The following KHDRBS2 variants were observed in gnomAD, a reference collection of about 807,000 sequenced individuals.
KHDRBS2 encodes the protein KH RNA binding domain containing, signal transduction associated 2, also known as KH domain-containing, RNA-binding, signal transduction-associated protein 2.
KHDRBS2 carries 26 observed loss-of-function variants against 44.3 expected under a neutral mutation model. The observed-to-expected ratio is 0.59, with a 90% CI of 0.43 to 0.81. The LOEUF is 0.81. Ranked by LOEUF, KHDRBS2 falls within the 40% of genes least tolerant of loss-of-function variation. KHDRBS2 has a pLI of 0.00. For synonymous variants in KHDRBS2, 194 were observed against 151.1 expected (o/e 1.28, Z -2.08); for missense variants, 476 against 433.1 (o/e 1.10, Z -0.88).
At chr6:61,998,752 C>T (rs1283906889) in intron 3 of KHDRBS2, among the ~76,000 whole-genome samples, 5 of 152,006 alleles carry the variant, frequency 3.3e-5, no homozygotes, top group Non-Finnish European at 5.9e-5. Flanking sequence ...GAAATAAAAA[C>T]TTTGATCCAT....
Position 62,006,436 on chromosome 6 carries a change from T to C in KHDRBS2, c.337-28224A>G, listed in dbSNP as rs1164590864. ...AAAAAGTATTTCAAGAAGGAATAAA[T>C]CAAATAAAAATGAAGGTCAGAGCTG... is the stretch of plus-strand genomic sequence containing the variant. On this transcript the variant is annotated intron_variant, in intron 3 of 8. Transcript: ENST00000281156. Among the ~76,000 whole-genome samples the C allele has an allele frequency of 2.0e-5, 3 of 151,812 alleles. No homozygotes were observed. In the East Asian group the frequency reaches 5.8e-4, roughly 29 times the overall value.
intron 2 of KHDRBS2, among the ~76,000 whole-genome samples, chr6:62,115,263 A>G (rs894416317): frequency 6.6e-6 from 1 of 152,172 alleles, no homozygotes; most frequent in Admixed American, 6.6e-5. Flanking sequence ...GAGGCCATAC[A>G]TAAGAGCCAA....
chr6:62,107,134 G>T (rs1803599869), intron 2 of KHDRBS2, among the ~76,000 whole-genome samples: 1 of 151,750 alleles, frequency 6.6e-6, no homozygotes, highest in Non-Finnish European at 1.5e-5. Flanking sequence ...ATTCAATTAG[G>T]AAAAGAGGAA....
At chr6:62,279,353 TGTAA>T (rs1841473265) in intron 1 of KHDRBS2, among the ~76,000 whole-genome samples, 1 of 152,228 alleles carries the variant, frequency 6.6e-6, no homozygotes. Context: ...GTATTATCAT[TGTAA>T]GTGACAGAAT....
intron 2 of KHDRBS2, among the ~76,000 whole-genome samples, chr6:62,166,458 C>T (rs932866139): frequency 3.3e-5 from 5 of 151,930 alleles, no homozygotes; most frequent in Non-Finnish European, 7.4e-5. Context: ...TTTATGTTCA[C>T]AATGGTTTAT....
chr6:61,818,993 C>A (rs1049270703), intron 6 of KHDRBS2, among the ~76,000 whole-genome samples: 5 of 151,944 alleles, frequency 3.3e-5, no homozygotes, highest in African/African-American at 9.6e-5. Context: ...ATCTATAATA[C>A]CCTCAGTAGT....
At chr6:61,895,126 A>G (rs897471856) in intron 5 of KHDRBS2, among the ~76,000 whole-genome samples, 2 of 151,634 alleles carry the variant, frequency 1.3e-5, no homozygotes, top group African/African-American at 4.8e-5. Context: ...AAGCCAGAAA[A>G]AAAAAAAAAA....
intron 1 of KHDRBS2, among the ~76,000 whole-genome samples, chr6:62,240,715 T>C (rs867188788): frequency 1.6e-5 from 2 of 126,336 alleles, no homozygotes; most frequent in Admixed American, 8.7e-5. Flanking sequence ...TATATATATA[T>C]ATAAACATGA....
At chr6:61,943,819 C>T (rs552892746) in intron 4 of KHDRBS2, among the ~76,000 whole-genome samples, 3 of 151,944 alleles carry the variant, frequency 2.0e-5, no homozygotes, top group African/African-American at 7.3e-5. Flanking sequence ...AAGAACCACA[C>T]AAATAATCTT....
chr6:61,720,489 A>G (rs1772272839), intron 7 of KHDRBS2, among the ~76,000 whole-genome samples: 1 of 152,076 alleles, frequency 6.6e-6, no homozygotes, highest in South Asian at 2.1e-4. Flanking sequence ...GTGAGATGGT[A>G]CCTCATTGTG....
intron 6 of KHDRBS2, among the ~76,000 whole-genome samples, chr6:61,744,832 C>T (rs1776642584): frequency 6.6e-6 from 1 of 152,054 alleles, no homozygotes; most frequent in South Asian, 2.1e-4. Context: ...TGTCAATTGT[C>T]AAACATTGTG....
At chr6:61,661,161 C>T in the KHDRBS2 span, 1 of 151,890 alleles carries the variant, frequency 6.6e-6, no homozygotes, top group South Asian at 2.1e-4. Context: ...TAGCTTCCAT[C>T]TGATGCAAAC....
chr6:61,776,014 A>C (rs1354458483), intron 6 of KHDRBS2, among the ~76,000 whole-genome samples: 1 of 152,212 alleles, frequency 6.6e-6, no homozygotes, highest in Non-Finnish European at 1.5e-5. Flanking sequence ...GATCTTTGAC[A>C]AACCTGAGAA....
intron 2 of KHDRBS2, among the ~76,000 whole-genome samples, chr6:62,065,693 T>A: frequency 7.0e-6 from 1 of 143,676 alleles, no homozygotes; most frequent in South Asian, 2.3e-4. Flanking sequence ...AGATGACGAG[T>A]TAGTGGGTGC....
At chr6:61,629,571 T>C in the KHDRBS2 span, among the ~76,000 whole-genome samples, 1 of 152,164 alleles carries the variant, frequency 6.6e-6, no homozygotes, top group Non-Finnish European at 1.5e-5. Context: ...CACAACTTTT[T>C]AAAGAAAGAT....
chr6:61,770,712 G>A (rs1423151922), intron 6 of KHDRBS2, among the ~76,000 whole-genome samples: 1 of 152,184 alleles, frequency 6.6e-6, no homozygotes, highest in African/African-American at 2.4e-5. Flanking sequence ...ACATCTGATT[G>A]GTGTACCTGA....
the KHDRBS2 span, among the ~76,000 whole-genome samples, chr6:61,622,785 T>C: frequency 6.6e-6 from 1 of 151,968 alleles, no homozygotes; most frequent in Non-Finnish European, 1.5e-5. Flanking sequence ...ACACCATTCA[T>C]TGAGGTCAAG....
intron 2 of KHDRBS2, among the ~76,000 whole-genome samples, chr6:62,146,433 T>A (rs1362250454): frequency 6.6e-6 from 1 of 151,586 alleles, no homozygotes; most frequent in South Asian, 2.1e-4. Flanking sequence ...CATTAAATCT[T>A]ATTTTTAAGT....
At chr6:61,845,689 A>C (rs1366842553) in intron 6 of KHDRBS2, among the ~76,000 whole-genome samples, 1 of 152,158 alleles carries the variant, frequency 6.6e-6, no homozygotes, top group Non-Finnish European at 1.5e-5. Context: ...TCACTAAACT[A>C]CTACTGGTTG....
Sources: gnomAD v4.1 joint callset for allele counts (sites outside exome capture counted in the v4.1 genomes callset) on GRCh38, gnomAD v4.1.1 for gene constraint, MANE v1.5 for transcripts, NCBI Gene and HGNC (gene_info 2026-07-23, HGNC 2026-07-21) for gene names.